The following DCLRE1C variants were observed in gnomAD, a reference collection of about 807,000 sequenced individuals.
The protein encoded by DCLRE1C is protein artemis.
Under a neutral mutation model 61.4 loss-of-function variants are expected in DCLRE1C, and 47 were observed. The observed-to-expected ratio is 0.77, with a 90% CI of 0.61 to 0.98. The LOEUF (loss-of-function observed/expected upper bound fraction) is 0.98, where lower values mean the gene tolerates loss of function less well. DCLRE1C is among the 50% of genes least tolerant of loss of function. The pLI is 0.00. For synonymous variants in DCLRE1C, 337 were observed against 287.6 expected, an observed-to-expected ratio of 1.17 and a Z score of -1.74; for missense variants, 858 against 816.0, an observed-to-expected ratio of 1.05 and a Z score of -0.63.
chr10:14,950,195 C>A (rs1410113606), intron 1 of DCLRE1C, among the ~76,000 whole-genome samples: 1 of 151,926 alleles, frequency 6.6e-6, no homozygotes, highest in African/African-American at 2.4e-5. Flanking sequence ...ATAAAATTAG[C>A]TGGGGCTGGT....
intron 1 of DCLRE1C, among the ~76,000 whole-genome samples, chr10:14,951,835 TAC>T (rs1028003874): frequency 6.6e-6 from 1 of 152,120 alleles, no homozygotes; most frequent in Admixed American, 6.6e-5. Context: ...CAGCCCCAAA[TAC>T]AGTCGCTTTG....
At chr10:14,941,460 G>GA (rs2131051601) in intron 3 of DCLRE1C, among the ~76,000 whole-genome samples, 1 of 152,144 alleles carries the variant, frequency 6.6e-6, no homozygotes, top group South Asian at 2.1e-4. Context: ...AGTTTTTAAG[G>GA]TTTTTTTGTA....
In DCLRE1C at chr10:14,908,883, T is replaced by G. The variant is rs887381468; in HGVS notation, c.1604A>C (p.Gln535Pro). The stretch of plus-strand genomic sequence containing the variant: ...TATGTGTGTTGACTGGGAAGAATTC[T>G]GGGAGGAGATGTGAGTTGATTCTCC... ...SDGESTHISSQNSSQSTHITE... is the reference protein window; with the variant it reads ...SDGESTHISSPNSSQSTHITE... Residue 535 changes from glutamine to proline, a missense_variant, in exon 14 of 14, where the codon CAG becomes CCG. Coordinates refer to ENST00000378278, the MANE Select transcript of DCLRE1C (RefSeq NM_001033855.3). 3.7e-6 allele frequency: 6 copies of G among 1,614,092 alleles called. No homozygotes were observed. In the African/African-American group the frequency reaches 8.0e-5, roughly 22 times the overall value.
chr10:14,914,261 T>A (rs1253747942), intron 13 of DCLRE1C, among the ~76,000 whole-genome samples: 1 of 152,284 alleles, frequency 6.6e-6, no homozygotes, highest in Non-Finnish European at 1.5e-5. Context: ...ATTGTAGAAC[T>A]AAGAATGTTA....
At chr10:14,941,890 T>C (rs1437515269) in intron 3 of DCLRE1C, among the ~76,000 whole-genome samples, 4 of 152,164 alleles carry the variant, frequency 2.6e-5, no homozygotes, top group Non-Finnish European at 5.9e-5. Flanking sequence ...GGGAGGGGCA[T>C]GTTAAGCTCT....
chr10:14,944,464 A>G (rs1251625483), intron 3 of DCLRE1C, among the ~76,000 whole-genome samples: 1 of 152,022 alleles, frequency 6.6e-6, no homozygotes, highest in African/African-American at 2.4e-5. Flanking sequence ...GAGCCACTGC[A>G]CTCCAGCCTC....
chr10:14,932,823 ACAATACGAGAGGAAT>A lies in DCLRE1C; in HGVS notation c.780+16_780+30del, dbSNP rs1468788569. 1 of 1,610,806 alleles carries A rather than the reference ACAATACGAGAGGAAT, an allele frequency of 6.2e-7. No homozygotes were observed. On this transcript the variant is annotated intron_variant, in intron 9 of 13. Coordinates refer to ENST00000378278, the MANE Select transcript of DCLRE1C (RefSeq NM_001033855.3). The stretch of plus-strand genomic sequence containing the variant: ...TTCTTCTTTTTCATAGATTACACAA[ACAATACGAGAGGAAT>A]CACTTGCACACGTACCTTGGGATGC...
In DCLRE1C at chr10:14,923,022, A is replaced by G. The variant is rs1837369908; in HGVS notation, c.1020T>C (p.Asn340=). The G allele has an allele frequency of 1.2e-6, 2 of 1,614,210 alleles. No homozygotes were observed. The highest frequency in any genetic ancestry group is 1.7e-6 in the Non-Finnish European group (2 of 1,179,998). Residue 340 remains asparagine (N), a synonymous_variant, in exon 12 of 14, where the codon AAT becomes AAC. Transcript: ENST00000378278. ...SYLCPVNAYP[N]VIPVGTTMDK... is the part of the protein sequence containing the mutation. ...CCATAGTTGTGCCAACTGGAATGAC[A>G]TTTGGATATGCGTTCACAGGACAGA...
intron 3 of DCLRE1C, among the ~76,000 whole-genome samples, chr10:14,940,497 G>A (rs1320320228): frequency 2.0e-5 from 3 of 151,894 alleles, no homozygotes; most frequent in Non-Finnish European, 4.4e-5. Context: ...TGACATGTTG[G>A]CCAGGCTGGT....
chr10:14,927,700 T>C (rs1048998733), intron 10 of DCLRE1C, among the ~76,000 whole-genome samples: 2 of 152,068 alleles, frequency 1.3e-5, no homozygotes, highest in East Asian at 1.9e-4. Context: ...GTGATCATGA[T>C]AGTCACTCCT....
chr10:14,916,445 A>C (rs550228152), intron 13 of DCLRE1C, among the ~76,000 whole-genome samples: 1 of 152,212 alleles, frequency 6.6e-6, no homozygotes. Context: ...CTAATCCAAA[A>C]GTCTGACATC....
chr10:14,942,130 G>A (rs1342155348), intron 3 of DCLRE1C: 1 of 152,242 alleles, frequency 6.6e-6, no homozygotes, highest in Non-Finnish European at 1.5e-5. Flanking sequence ...GCTTAACTCA[G>A]AGTCTGGGGC....
In DCLRE1C at chr10:14,948,770, T is replaced by TATATATATA. The variant is rs1554800030; in HGVS notation, c.161+265_161+266insTATATATAT. On this transcript the variant is annotated intron_variant, in intron 2 of 13. Coordinates refer to ENST00000378278, the MANE Select transcript of DCLRE1C (RefSeq NM_001033855.3). ...TTTTTAGAGAGTGTATTTGGTAGGA[T>TATATATATA]TATATATATATATATATATATCAAG... Among the ~76,000 whole-genome samples, 639 of 143,670 alleles carry TATATATATA rather than the reference T, an allele frequency of 4.4e-3. 11 individuals carry two copies. Among genetic ancestry groups the TATATATATA allele is most frequent in the African/African-American group, 0.01 (395 of 38,470 alleles). The allele number at this position is 143,670 out of a possible 152,430, so 94.3% of individuals were successfully genotyped here.
chr10:14,918,818 C>A (rs1350999460), intron 13 of DCLRE1C, among the ~76,000 whole-genome samples: 1 of 152,030 alleles, frequency 6.6e-6, no homozygotes, highest in Non-Finnish European at 1.5e-5. Context: ...GAATTGTCAT[C>A]TAAATGTTTT....
chr10:14,902,613 A>G (rs765072991), downstream of DCLRE1C: 23 of 720,662 alleles, frequency 3.2e-5, no homozygotes, highest in Non-Finnish European at 4.5e-5. Flanking sequence ...GGTTCTACCT[A>G]TGTTAATTTA....
chr10:14,952,755 G>A (rs1842638917), intron 1 of DCLRE1C, among the ~76,000 whole-genome samples: 1 of 152,076 alleles, frequency 6.6e-6, no homozygotes, highest in Non-Finnish European at 1.5e-5. Flanking sequence ...CGTGCACGAT[G>A]CGAATACGGC....
chr10:14,942,241 C>G (rs1377821458), intron 3 of DCLRE1C: 2 of 152,236 alleles, frequency 1.3e-5, no homozygotes, highest in African/African-American at 4.8e-5. Flanking sequence ...GAGACCAGCA[C>G]TATTGAGGCC....
intron 4 of DCLRE1C, among the ~76,000 whole-genome samples, chr10:14,938,819 A>G (rs551933458): frequency 2.0e-5 from 3 of 152,218 alleles, no homozygotes; most frequent in Non-Finnish European, 4.4e-5. Flanking sequence ...TGACAATAAC[A>G]TCATGTAGTA....
At position 14,909,317 on chromosome 10, in the gene DCLRE1C, G is replaced by GTCA. The variant is rs779415949; in HGVS notation, c.1167_1169dup (p.Asp390dup). The stretch of plus-strand genomic sequence containing the variant: ...TTGGCAGAGGATCATCAAAGAGATA[G>GTCA]TCATCTTCCTCCTCTGTGGGACAAA... On this transcript the variant is annotated inframe_insertion, in exon 14 of 14. Transcript: ENST00000378278. 3 of 1,613,604 alleles carry GTCA rather than the reference G, an allele frequency of 1.9e-6. No individual in the cohort carries two copies. Among genetic ancestry groups the GTCA allele is most frequent in the Non-Finnish European group, 1.7e-6 (2 of 1,179,966 alleles).
Sources: allele counts gnomAD v4.1 joint callset (sites outside exome capture counted in the v4.1 genomes callset), GRCh38; gene constraint gnomAD v4.1.1; transcripts MANE v1.5; gene names NCBI Gene and HGNC (gene_info 2026-07-23, HGNC 2026-07-21).